Variants in FOXP1 observed in about 807,000 individuals in gnomAD.
FOXP1 encodes the protein forkhead box P1.
In FOXP1, 15 loss-of-function variants were observed where a neutral mutation model predicts 98.2. The observed-to-expected ratio is 0.15, with a 90% CI of 0.10 to 0.24. The LOEUF is 0.24. Among genes scored for constraint, FOXP1 ranks in the 10% least tolerant of loss-of-function variants. The probability of loss-of-function intolerance (pLI) is 1.00; values close to 1 mark genes in which losing one functional copy is unlikely to be tolerated. For missense variants in FOXP1, 633 were observed against 848.5 expected (o/e 0.75, Z 3.15); for synonymous variants, 371 against 314.5 (o/e 1.18, Z -1.90).
intron 5 of FOXP1, among the ~76,000 whole-genome samples, chr3:71,201,046 TA>T (rs2063642097): frequency 6.6e-6 from 1 of 152,198 alleles, no homozygotes; most frequent in South Asian, 2.1e-4. Flanking sequence ...AACTCAGAAG[TA>T]ACAGCTGATT....
intron 3 of FOXP1, among the ~76,000 whole-genome samples, chr3:71,374,608 A>AT (rs1019864322): frequency 7.9e-5 from 12 of 151,630 alleles, no homozygotes; most frequent in African/African-American, 2.4e-5. Flanking sequence ...AAAAAAAATA[A>AT]AAATAAAAAT....
intron 5 of FOXP1, among the ~76,000 whole-genome samples, chr3:71,293,469 C>T (rs903551400): frequency 6.7e-6 from 1 of 150,366 alleles, no homozygotes; most frequent in African/African-American, 2.4e-5. Flanking sequence ...CACAGCCAGA[C>T]CCCATTTCTT....
rs759689229 is a variant in FOXP1, at chr3:70,972,507, T to C, written c.1652+48A>G. ...AGCCAAAGCCTCTACGTTATACTTG[T>C]TAGCACAATCCAAGCTAGGCTAAGA... On this transcript the variant is annotated intron_variant, in intron 18 of 20. Coordinates refer to ENST00000649528, the MANE Select transcript of FOXP1 (RefSeq NM_001349338.3). 3 of 1,613,330 alleles carry C rather than the reference T, an allele frequency of 1.9e-6. No individual in the cohort carries two copies. In the South Asian group the frequency reaches 3.3e-5, roughly 18 times the overall value.
rs144690548 is a variant in FOXP1, at chr3:71,572,945, A to T, written c.-298+8604T>A. 105 of 152,282 alleles carry T rather than the reference A, an allele frequency of 6.9e-4. 1 individual carries two copies. The highest frequency in any genetic ancestry group is 1.4e-3 in the Non-Finnish European group (94 of 68,022). 9.4% of individuals were successfully genotyped at this position (152,282 alleles called of 1,614,324 possible). On this transcript the variant is annotated intron_variant, in intron 2 of 20. Coordinates refer to ENST00000649528, the MANE Select transcript of FOXP1 (RefSeq NM_001349338.3). The stretch of plus-strand genomic sequence containing the variant: ...AAAAAGGTAAGTTGAGTTGTTCTCA[A>T]CTCACAGAACAAAATGCTTGAGACC...
At chr3:71,291,766 G>C (rs2072776217) in intron 5 of FOXP1, among the ~76,000 whole-genome samples, 1 of 148,370 alleles carries the variant, frequency 6.7e-6, no homozygotes, top group African/African-American at 2.5e-5. Flanking sequence ...GAGTGCAGTG[G>C]TGTGATCTTG....
At chr3:70,973,837 C>A (rs1323567899) in intron 17 of FOXP1, among the ~76,000 whole-genome samples, 29 of 14,164 alleles carry the variant, frequency 2.0e-3, no homozygotes, top group African/African-American at 0.016. Context: ...TGCACACCGC[C>A]CCCCCCCCCC....
intron 7 of FOXP1, among the ~76,000 whole-genome samples, chr3:71,074,241 A>G (rs1159678802): frequency 2.0e-5 from 3 of 152,082 alleles, no homozygotes; most frequent in Non-Finnish European, 2.9e-5. Context: ...TATTATTATT[A>G]TTTTGAAATG....
intron 6 of FOXP1, among the ~76,000 whole-genome samples, chr3:71,132,431 C>T (rs1334703529): frequency 6.6e-6 from 1 of 151,792 alleles, no homozygotes; most frequent in Non-Finnish European, 1.5e-5. Context: ...CAGAGACATG[C>T]AATTAAAAAA....
At chr3:71,428,641 G>A (rs1224657008) in intron 3 of FOXP1, among the ~76,000 whole-genome samples, 1 of 152,180 alleles carries the variant, frequency 6.6e-6, no homozygotes, top group Non-Finnish European at 1.5e-5. Context: ...CCTATGAAAT[G>A]TCTTTCATGC....
intron 18 of FOXP1, 179 bp from the exon 19 acceptor site, chr3:70,970,984 A>C (rs924732335): frequency 7.9e-6 from 5 of 631,278 alleles, no homozygotes; most frequent in Non-Finnish European, 1.4e-5. Flanking sequence ...GTGTGTGCAC[A>C]CCTCTGGGGT....
intron 4 of FOXP1, among the ~76,000 whole-genome samples, chr3:71,308,529 A>G (rs2074440408): frequency 6.6e-6 from 1 of 152,126 alleles, no homozygotes; most frequent in Admixed American, 6.5e-5. Context: ...ACTTGTGACT[A>G]AACCCGGCAG....
intron 5 of FOXP1, among the ~76,000 whole-genome samples, chr3:71,223,867 T>TAGGAGTCACTC (rs2065616393): frequency 6.6e-6 from 1 of 151,978 alleles, no homozygotes; most frequent in African/African-American, 2.4e-5. Context: ...ACTGGATACT[T>TAGGAGTCACTC]AGGAGTCACT....
chr3:71,246,345 G>A (rs1410467139), intron 5 of FOXP1, among the ~76,000 whole-genome samples: 2 of 152,194 alleles, frequency 1.3e-5, no homozygotes, highest in African/African-American at 4.8e-5. Context: ...GGCAAAACAT[G>A]TGCCATGAGC....
chr3:71,020,603 T>G (rs184675942), intron 11 of FOXP1, among the ~76,000 whole-genome samples: 7 of 152,168 alleles, frequency 4.6e-5, no homozygotes, highest in African/African-American at 1.7e-4. Flanking sequence ...ATTTCCCCTG[T>G]GGTAACTAAG....
intron 20 of FOXP1, among the ~76,000 whole-genome samples, chr3:70,962,697 C>G (rs905402311): frequency 2.0e-5 from 3 of 152,152 alleles, no homozygotes; most frequent in African/African-American, 7.2e-5. Flanking sequence ...TTCCTACTTT[C>G]TTAACTATCA....
chr3:71,440,321 T>C (rs1346922767), intron 3 of FOXP1, among the ~76,000 whole-genome samples: 3 of 152,028 alleles, frequency 2.0e-5, no homozygotes, highest in Non-Finnish European at 2.9e-5. Context: ...ATCCCAGCAC[T>C]TTGAGAGGCC....
intron 5 of FOXP1, among the ~76,000 whole-genome samples, chr3:71,212,947 G>T (rs1469373938): frequency 1.4e-5 from 1 of 70,998 alleles, no homozygotes; most frequent in Non-Finnish European, 2.7e-5. Flanking sequence ...TTACAAAATG[G>T]GAATATATAT....
intron 3 of FOXP1, among the ~76,000 whole-genome samples, chr3:71,373,914 T>C (rs146918301): frequency 6.6e-6 from 1 of 152,322 alleles, no homozygotes; most frequent in African/African-American, 2.4e-5. Context: ...GCTGAATCTT[T>C]TCAAATAAAG....
At chr3:71,280,317 A>G (rs995813200) in intron 5 of FOXP1, among the ~76,000 whole-genome samples, 1 of 106,476 alleles carries the variant, frequency 9.4e-6, no homozygotes, top group Admixed American at 8.7e-5. Context: ...GTATTTTACA[A>G]TATCTTTTTT....
Sources: allele counts gnomAD v4.1 joint callset (sites outside exome capture counted in the v4.1 genomes callset), GRCh38; gene constraint gnomAD v4.1.1; transcripts MANE v1.5; gene names NCBI Gene and HGNC (gene_info 2026-07-23, HGNC 2026-07-21).